Variants in ESCO1 observed in about 807,000 individuals in gnomAD.
The protein encoded by ESCO1 is N-acetyltransferase ESCO1.
In ESCO1, 33 loss-of-function variants were observed where a neutral mutation model predicts 83.5. The observed-to-expected ratio is 0.40, with a 90% CI of 0.30 to 0.53. The LOEUF (loss-of-function observed/expected upper bound fraction) is 0.53, where lower values mean the gene tolerates loss of function less well. Among genes scored for constraint, ESCO1 ranks in the 20% least tolerant of loss-of-function variants. ESCO1 has a pLI of 0.63. For missense variants in ESCO1, 855 were observed against 968.0 expected (o/e 0.88, Z 1.55); for synonymous variants, 332 against 324.3 (o/e 1.02, Z -0.25).
intron 8 of ESCO1, among the ~76,000 whole-genome samples, chr18:21,555,001 CAGG>C (rs891377014): frequency 3.3e-5 from 5 of 151,960 alleles, no homozygotes; most frequent in African/African-American, 1.2e-4. Flanking sequence ...GAGGTTGAGG[CAGG>C]AGAATTGCTT....
At chr18:21,578,478 G>A (rs1186874517) in intron 2 of ESCO1, among the ~76,000 whole-genome samples, 1 of 151,846 alleles carries the variant, frequency 6.6e-6, no homozygotes, top group Non-Finnish European at 1.5e-5. Context: ...ACCTTTCAGA[G>A]AATAGAAAAA....
rs538025591 is a variant in ESCO1 at position 21,542,481 on chromosome 18, G to A, written c.1954-2472C>T. Among the ~76,000 whole-genome samples the A allele has an allele frequency of 6.4e-4, 98 of 152,266 alleles. 1 individual carries two copies. In the South Asian group the frequency reaches 0.02, roughly 31 times the overall value. ...CACTGGAACTCTGATTCTGTTTCCT[G>A]ATCTTAGCATTCTAAAAAATGGCTA... On this transcript the variant is annotated intron_variant, in intron 8 of 11. Coordinates refer to ENST00000269214, the MANE Select transcript of ESCO1 (RefSeq NM_052911.3).
chr18:21,576,926 G>A (rs1220532758), intron 2 of ESCO1, among the ~76,000 whole-genome samples: 6 of 151,880 alleles, frequency 4.0e-5, no homozygotes, highest in Admixed American at 1.3e-4. Context: ...CCAGCTACTC[G>A]GGAGGCTGAA....
rs902984819 is a variant in ESCO1, at chr18:21,575,409, A to G, written c.-566T>C. 7 of 398,070 alleles carry G rather than the reference A, an allele frequency of 1.8e-5. No homozygotes were observed. Among genetic ancestry groups the G allele is most frequent in the Non-Finnish European group, 2.7e-5 (6 of 225,860 alleles). 24.7% of individuals were successfully genotyped at this position (398,070 alleles called of 1,614,324 possible). ...TCAACAAAATATTCTATTAATATAGATTTCCTTTTGTGCTGCCGTTTCTGA... is the reference window on the plus strand; with the variant it reads ...TCAACAAAATATTCTATTAATATAGGTTTCCTTTTGTGCTGCCGTTTCTGA... On this transcript the variant is annotated 5_prime_UTR_variant, in exon 4 of 12. Transcript: ENST00000269214.
At chr18:21,581,957 G>A (rs937363451) in intron 2 of ESCO1, among the ~76,000 whole-genome samples, 1 of 151,792 alleles carries the variant, frequency 6.6e-6, no homozygotes, top group African/African-American at 2.4e-5. Flanking sequence ...CAGGTGTGGT[G>A]CATACCTATA....
Position 21,574,134 on chromosome 18 carries a change from G to A in ESCO1, c.710C>T (p.Thr237Met), listed in dbSNP as rs369697127. ...CTCAGAAGTTACAGGCACAGGTTTC[G>A]TTTCGTCTCTTCTAGTAGTCTTCTG... ...CPQKTTRRDETKPVPVTSEVK... is the reference protein window; with the variant it reads ...CPQKTTRRDEMKPVPVTSEVK... The change falls in exon 4 of 12, where the codon ACG becomes ATG. Residue 237 changes from threonine to methionine, a missense_variant. Thr to Met is a moderately conservative substitution (Grantham distance 81). Coordinates refer to ENST00000269214, the MANE Select transcript of ESCO1 (RefSeq NM_052911.3). 94 of 1,613,548 alleles carry A rather than the reference G, an allele frequency of 5.8e-5. No individual in the cohort carries two copies. The highest frequency in any genetic ancestry group is 1.2e-4 in the South Asian group (11 of 91,086).
chr18:21,550,674 G>A (rs1301168240), intron 8 of ESCO1, among the ~76,000 whole-genome samples: 10 of 152,066 alleles, frequency 6.6e-5, no homozygotes, highest in Admixed American at 2.0e-4. Context: ...CACCTCTACA[G>A]CCAAAATTAA....
chr18:21,560,506 A>G (rs187944673), intron 8 of ESCO1, among the ~76,000 whole-genome samples: 123 of 152,212 alleles, frequency 8.1e-4, no homozygotes, highest in Non-Finnish European at 1.4e-3. Flanking sequence ...TGTGCCAAGA[A>G]ATGTAAATAT....
At chr18:21,532,756 TAACA>T (rs2037783734) in intron 10 of ESCO1, 96 bp from the exon 11 acceptor site, 1 of 1,163,430 alleles carries the variant, frequency 8.6e-7, no homozygotes, top group Non-Finnish European at 1.2e-6. Context: ...TTGACTGGCT[TAACA>T]AACTATGGGG....
chr18:21,568,194 T>C, intron 4 of ESCO1, 100 bp from the exon 5 acceptor site: 3 of 832,728 alleles, frequency 3.6e-6, no homozygotes, highest in South Asian at 3.2e-5. Context: ...ACATACTTTT[T>C]ATTTGGAGCA....
intron 9 of ESCO1, among the ~76,000 whole-genome samples, chr18:21,537,021 G>A (rs983641575): frequency 6.6e-6 from 1 of 152,116 alleles, no homozygotes; most frequent in Admixed American, 6.6e-5. Flanking sequence ...TTTACATATG[G>A]AAGAAATAAT....
chr18:21,563,910 G>A (rs1178422355), intron 7 of ESCO1, among the ~76,000 whole-genome samples: 3 of 112,178 alleles, frequency 2.7e-5, no homozygotes, highest in Non-Finnish European at 6.7e-5. Flanking sequence ...CTGCTGGGGT[G>A]AGCAGGGTTA....
At chr18:21,533,291 G>A (rs556732792) in intron 10 of ESCO1, among the ~76,000 whole-genome samples, 64 of 151,894 alleles carry the variant, frequency 4.2e-4, no homozygotes, top group African/African-American at 1.5e-3. Flanking sequence ...TAACACAATT[G>A]GTTGTTTTTT....
At position 21,574,077 on chromosome 18, in the gene ESCO1, AC is replaced by A; in HGVS notation, c.766del (p.Val256SerfsTer7). The A allele has an allele frequency of 6.2e-7, 1 of 1,612,586 alleles. No homozygotes were observed. The highest frequency in any genetic ancestry group is 8.5e-7 in the Non-Finnish European group (1 of 1,179,962). On this transcript the variant is annotated frameshift_variant, in exon 4 of 12. Coordinates refer to ENST00000269214, the MANE Select transcript of ESCO1 (RefSeq NM_052911.3). LOFTEE classifies it high-confidence loss of function. Reference protein sequence around the residue: ...VKRSKMATSVVPKKNEMKKSV... With the variant: ...VKRSKMATSVXPKKNEMKKSV... ...CTTCTTCATCTCATTCTTTTTCGGG[AC>A]CACTGAAGTAGCCATTTTTGATCTT...
intron 11 of ESCO1, 38 bp downstream of exon 11, chr18:21,532,435 A>G (rs1323469676): frequency 6.3e-7 from 1 of 1,580,316 alleles, no homozygotes. Context: ...TAAGTCCTAA[A>G]CTACTAAAAA....
intron 1 of ESCO1, among the ~76,000 whole-genome samples, chr18:21,594,177 A>T (rs1214859905): frequency 1.3e-5 from 2 of 152,184 alleles, no homozygotes; most frequent in Non-Finnish European, 2.9e-5. Context: ...GAGACCTACT[A>T]CTATAACAGC....
Position 21,574,612 on chromosome 18 carries a change from T to C in ESCO1, c.232A>G (p.Lys78Glu). The C allele has an allele frequency of 6.2e-7, 1 of 1,614,080 alleles. No individual in the cohort carries two copies. The highest frequency in any genetic ancestry group is 8.5e-7 in the Non-Finnish European group (1 of 1,180,002). ...TTTTTATTAATGGATTTAGTAGCTT[T>C]ATCATTAGATGCTGCCTTTGATGAC... ...TRSSKAASNDKATKSINKNTV... is the reference protein window; with the variant it reads ...TRSSKAASNDEATKSINKNTV... The change falls in exon 4 of 12, where the codon AAA becomes GAA. Residue 78 changes from lysine (K) to glutamate (E), a missense_variant. Coordinates refer to ENST00000269214, the MANE Select transcript of ESCO1 (RefSeq NM_052911.3).
intron 8 of ESCO1, among the ~76,000 whole-genome samples, chr18:21,543,677 T>G (rs1240681064): frequency 6.6e-6 from 1 of 152,072 alleles, no homozygotes; most frequent in African/African-American, 2.4e-5. Flanking sequence ...CATGAAAAGG[T>G]TGAATGAGAA....
intron 1 of ESCO1, among the ~76,000 whole-genome samples, chr18:21,595,298 C>T (rs1054760785): frequency 2.8e-5 from 4 of 144,896 alleles, no homozygotes; most frequent in Non-Finnish European, 4.5e-5. Flanking sequence ...AATACTTGGC[C>T]GGGCATGGTG....
Sources: gnomAD v4.1 joint callset for allele counts (sites outside exome capture counted in the v4.1 genomes callset) on GRCh38, gnomAD v4.1.1 for gene constraint, MANE v1.5 for transcripts, NCBI Gene and HGNC (gene_info 2026-07-23, HGNC 2026-07-21) for gene names.